NEK11: variants seen among roughly 807,000 people sequenced by gnomAD.
NEK11 encodes NIMA related kinase 11.
In NEK11, 72 loss-of-function variants were observed where a neutral mutation model predicts 80.7. The ratio of observed to expected loss-of-function variants is 0.89; its 90% CI spans 0.74 to 1.08. The LOEUF is 1.08. NEK11 is among the 50% of genes least tolerant of loss of function. The probability of loss-of-function intolerance (pLI) is 0.00; values close to 1 mark genes in which losing one functional copy is unlikely to be tolerated. For missense variants in NEK11, 764 were observed against 763.6 expected (o/e 1.00, Z -0.01); for synonymous variants, 251 against 260.7 (o/e 0.96, Z 0.36).
intron 14 of NEK11, chr3:131,174,837 T>A (rs1348992402): frequency 3.1e-6 from 5 of 1,596,638 alleles, no homozygotes; most frequent in Non-Finnish European, 4.3e-6. Context: ...AGGGCCTGGG[T>A]CTACAAGGAG....
At chr3:131,085,699 C>T (rs2075883178) in intron 4 of NEK11, among the ~76,000 whole-genome samples, 1 of 152,134 alleles carries the variant, frequency 6.6e-6, no homozygotes, top group Non-Finnish European at 1.5e-5. Flanking sequence ...TTTAGGAACC[C>T]AGTACTTCAC....
chr3:131,272,768 A>G (rs527827890), intron 16 of NEK11, among the ~76,000 whole-genome samples: 25 of 152,082 alleles, frequency 1.6e-4, no homozygotes, highest in African/African-American at 5.8e-4. Context: ...GAGCCACTGC[A>G]CCCAACCCAG....
At chr3:131,092,523 C>T (rs2076877999) in intron 4 of NEK11, among the ~76,000 whole-genome samples, 1 of 152,148 alleles carries the variant, frequency 6.6e-6, no homozygotes, top group African/African-American at 2.4e-5. Context: ...TGAGTTTCTA[C>T]CGTATCAGAC....
At chr3:131,117,236 C>T (rs2081404846) in intron 5 of NEK11, among the ~76,000 whole-genome samples, 1 of 152,186 alleles carries the variant, frequency 6.6e-6, no homozygotes, top group African/African-American at 2.4e-5. Context: ...AGAGGGAATC[C>T]TTTCCCCATT....
intron 4 of NEK11, among the ~76,000 whole-genome samples, chr3:131,097,964 T>A (rs111664302): frequency 6.9e-6 from 1 of 145,288 alleles, no homozygotes; most frequent in Admixed American, 6.9e-5. Context: ...CAGATATAGA[T>A]CAATGGAACA....
At chr3:131,119,823 G>A (rs9875467) in intron 5 of NEK11, among the ~76,000 whole-genome samples, 138,340 of 152,130 alleles carry the variant, frequency 0.91, 63,411 homozygotes, top group Non-Finnish European at 0.95. Flanking sequence ...TTGTTTTCCA[G>A]TTGCTTGGTA....
At position 131,056,869 on chromosome 3, in the gene NEK11, GT is replaced by G. The variant is rs879381440; in HGVS notation, c.171-23544del. On this transcript the variant is annotated intron_variant, in intron 3 of 17. Coordinates refer to ENST00000383366, the MANE Select transcript of NEK11 (RefSeq NM_024800.5). ...CAAGCCCTCCTGTCCTGGGCTTCCAGTTTTTTTTTTCTGTTGTTGTTGTTTT... is the reference window on the plus strand; with the variant it reads ...CAAGCCCTCCTGTCCTGGGCTTCCAGTTTTTTTTTCTGTTGTTGTTGTTTT... Among the ~76,000 whole-genome samples, 38 of 149,422 alleles carry G rather than the reference GT, an allele frequency of 2.5e-4. No homozygotes were observed. The Middle Eastern group carries it at 0.01, about 40-fold the overall frequency.
At position 131,168,839 on chromosome 3, in the gene NEK11, C is replaced by G; in HGVS notation, c.1186C>G (p.His396Asp). 2 of 1,612,528 alleles carry G rather than the reference C, an allele frequency of 1.2e-6. No homozygotes were observed. Among genetic ancestry groups the G allele is most frequent in the Non-Finnish European group, 8.5e-7 (1 of 1,178,854 alleles). ...GTCATAATCTCTTTAGGAAAAAACA[C>G]ATTTAAAAGGAATGGAAGAAAAGGA... The part of the protein sequence containing the change: ...LSVDVLHEKT[H>D]LKGMEEKEEQ... Residue 396 changes from histidine (H) to aspartate (D), a missense_variant, in exon 13 of 18, where the codon CAT becomes GAT. His to Asp is a moderately conservative substitution (Grantham distance 81). Transcript: ENST00000383366.
At chr3:131,213,588 G>A (rs2094708945) in intron 14 of NEK11, among the ~76,000 whole-genome samples, 1 of 152,166 alleles carries the variant, frequency 6.6e-6, no homozygotes, top group Non-Finnish European at 1.5e-5. Context: ...CAGCTGTGGT[G>A]GTCTTAGTTA....
At chr3:131,261,774 A>G (rs1323081418) in intron 16 of NEK11, among the ~76,000 whole-genome samples, 4 of 152,196 alleles carry the variant, frequency 2.6e-5, no homozygotes, top group Non-Finnish European at 5.9e-5. Flanking sequence ...TAGATAGCCT[A>G]TCTTCTTAAT....
intron 16 of NEK11, among the ~76,000 whole-genome samples, chr3:131,261,972 T>C (rs2095930639): frequency 6.6e-6 from 1 of 151,222 alleles, no homozygotes; most frequent in African/African-American, 2.4e-5. Flanking sequence ...AAATAAAGAA[T>C]GGAAAAACAA....
intron 16 of NEK11, among the ~76,000 whole-genome samples, chr3:131,270,242 A>T (rs1021923657): frequency 1.8e-4 from 28 of 152,346 alleles, no homozygotes; most frequent in Admixed American, 3.3e-4. Flanking sequence ...TTCTTGAACA[A>T]GGATTTCTGC....
chr3:131,113,310 G>A (rs1193006029), intron 5 of NEK11, among the ~76,000 whole-genome samples: 2 of 152,122 alleles, frequency 1.3e-5, no homozygotes, highest in Non-Finnish European at 2.9e-5. Flanking sequence ...GAATGAGAAT[G>A]AGAGAAGGAA....
rs55933207 is a variant in NEK11 at position 131,273,580 on chromosome 3, T to C, written c.1718+6T>C. The C allele has an allele frequency of 1.4e-3, 2,204 of 1,608,386 alleles. 23 individuals carry two copies. The East Asian group carries it at 0.016, about 12-fold the overall frequency. On this transcript the variant is annotated splice_donor_region_variant and intron_variant, in intron 17 of 17. Coordinates refer to ENST00000383366, the MANE Select transcript of NEK11 (RefSeq NM_024800.5). ...AAGATGAAACGCATGAGGGAGTAAG[T>C]AGCATGTTGCCTGCCCCCTAGGAAG... is the stretch of plus-strand genomic sequence containing the variant.
At position 131,165,535 on chromosome 3, in the gene NEK11, T is replaced by C; in HGVS notation, c.1176+16T>C. The C allele has an allele frequency of 6.5e-7, 1 of 1,529,272 alleles. No individual in the cohort carries two copies. The highest frequency in any genetic ancestry group is 9.0e-7 in the Non-Finnish European group (1 of 1,113,980). The allele number at this position is 1,529,272 out of a possible 1,614,324, so 94.7% of individuals were successfully genotyped here. On this transcript the variant is annotated intron_variant, in intron 12 of 17. Transcript: ENST00000383366. ...TGTACTCCATGTAAGTACCCTCTTATTTTAAATTTTACATAAAAATTTTTC... is the reference window on the plus strand; with the variant it reads ...TGTACTCCATGTAAGTACCCTCTTACTTTAAATTTTACATAAAAATTTTTC...
intron 4 of NEK11, among the ~76,000 whole-genome samples, chr3:131,084,668 C>T (rs1316061588): frequency 6.6e-6 from 1 of 152,122 alleles, no homozygotes; most frequent in Non-Finnish European, 1.5e-5. Flanking sequence ...AAATGTTGGA[C>T]TTCTCTATTT....
At chr3:131,142,634 C>G (rs1428351833) in intron 7 of NEK11, among the ~76,000 whole-genome samples, 2 of 152,108 alleles carry the variant, frequency 1.3e-5, no homozygotes, top group African/African-American at 2.4e-5. Context: ...ACCTCCCTAC[C>G]CCAACTCCAA....
chr3:131,092,421 A>G (rs2076868270), intron 4 of NEK11, among the ~76,000 whole-genome samples: 2 of 152,244 alleles, frequency 1.3e-5, no homozygotes, highest in South Asian at 4.1e-4. Context: ...ACCATGAACC[A>G]AAACAATTAT....
intron 14 of NEK11, among the ~76,000 whole-genome samples, chr3:131,196,192 A>G (rs1378751137): frequency 2.6e-5 from 4 of 152,174 alleles, no homozygotes; most frequent in African/African-American, 7.2e-5. Flanking sequence ...AAGCAGATCA[A>G]TGGAGCAAAG....
Sources: gnomAD v4.1 joint callset for allele counts (sites outside exome capture counted in the v4.1 genomes callset) on GRCh38, gnomAD v4.1.1 for gene constraint, MANE v1.5 for transcripts, NCBI Gene and HGNC (gene_info 2026-07-23, HGNC 2026-07-21) for gene names.